The following GATA4 variants were observed in gnomAD, a reference collection of about 807,000 sequenced individuals.
The protein encoded by GATA4 is transcription factor GATA-4.
In GATA4, 7 loss-of-function variants were observed where a neutral mutation model predicts 37.9. That is an observed-to-expected ratio of 0.18 (90% CI 0.11 to 0.35). The LOEUF is 0.35. Ranked by LOEUF, GATA4 falls within the 10% of genes least tolerant of loss-of-function variation. The pLI is 1.00. For synonymous variants in GATA4, 372 were observed against 292.6 expected, an observed-to-expected ratio of 1.27 and a Z score of -2.77; for missense variants, 647 against 653.0, an observed-to-expected ratio of 0.99 and a Z score of 0.10.
intron 2 of GATA4, among the ~76,000 whole-genome samples, chr8:11,734,766 A>G (rs1451414707): frequency 6.6e-6 from 1 of 152,186 alleles, no homozygotes; most frequent in African/African-American, 2.4e-5. Flanking sequence ...CTGGGATTAC[A>G]AGAGTGAGCC....
chr8:11,679,409 G>T (rs1331754672), intron 1 of GATA4, among the ~76,000 whole-genome samples: 2 of 152,356 alleles, frequency 1.3e-5, no homozygotes, highest in African/African-American at 4.8e-5. Flanking sequence ...GGACGCCCCA[G>T]CCGGGTCTGA....
chr8:11,735,977 C>G (rs1801435005), intron 2 of GATA4, among the ~76,000 whole-genome samples: 1 of 152,120 alleles, frequency 6.6e-6, no homozygotes, highest in Non-Finnish European at 1.5e-5. Context: ...GTGGTGCGAT[C>G]ATAACTCGCT....
intron 2 of GATA4, among the ~76,000 whole-genome samples, chr8:11,717,506 G>A (rs566020168): frequency 1.3e-5 from 2 of 152,190 alleles, no homozygotes; most frequent in Non-Finnish European, 1.5e-5. Context: ...GTCCCCGTGG[G>A]TAGTAAACAG....
chr8:11,700,515 G>GT (rs1401884394), upstream of GATA4: 1 of 152,308 alleles, frequency 6.6e-6, no homozygotes, highest in Non-Finnish European at 1.5e-5. Flanking sequence ...CAGCAGGGAC[G>GT]CATCCTGCTC....
At chr8:11,688,695 T>C (rs1799219941), upstream of GATA4, among the ~76,000 whole-genome samples, 1 of 152,202 alleles carries the variant, frequency 6.6e-6, no homozygotes, top group Non-Finnish European at 1.5e-5. Flanking sequence ...TAGGAACACA[T>C]TGAGGAGGTG....
At chr8:11,683,055 G>T in intron 1 of GATA4, 1 of 985,306 alleles carries the variant, frequency 1.0e-6, no homozygotes, top group Non-Finnish European at 1.2e-6. Flanking sequence ...ACAGCTCTCT[G>T]GTGTCTCTTA....
chr8:11,716,411 A>T (rs1170350689), intron 2 of GATA4, among the ~76,000 whole-genome samples: 1 of 152,034 alleles, frequency 6.6e-6, no homozygotes, highest in African/African-American at 2.4e-5. Flanking sequence ...TCTTTTACCT[A>T]TTCTTTTACA....
intron 1 of GATA4, chr8:11,682,975 T>A: frequency 4.0e-6 from 3 of 756,912 alleles, no homozygotes; most frequent in Non-Finnish European, 4.8e-6. Context: ...GGGGACAAGA[T>A]ACTGGGTTCA....
intron 2 of GATA4, among the ~76,000 whole-genome samples, chr8:11,734,822 T>G (rs1484440465): frequency 2.6e-5 from 4 of 152,190 alleles, no homozygotes; most frequent in African/African-American, 9.7e-5. Context: ...CTAATCCCAT[T>G]CATGAGGGCT....
intron 2 of GATA4, among the ~76,000 whole-genome samples, chr8:11,745,411 C>CA (rs3030049): frequency 0.022 from 2,265 of 103,712 alleles, 115 homozygotes; most frequent in African/African-American, 0.087. Context: ...TTGTCTCTAC[C>CA]AAAAAAAAAA....
At chr8:11,731,872 T>C (rs768628548) in intron 2 of GATA4, among the ~76,000 whole-genome samples, 1 of 152,230 alleles carries the variant, frequency 6.6e-6, no homozygotes, top group African/African-American at 2.4e-5. Flanking sequence ...GTAAGTAGCA[T>C]TGATGGACGA....
At position 11,679,395 on chromosome 8, in the gene GATA4, C is replaced by T. The variant is rs892109616; in HGVS notation, c.-274+2332C>T. ...ACGACTGTAGGTGGAGGGCGTGCGC[C>T]GCGGGACGCCCCAGCCGGGTCTGAT... On this transcript the variant is annotated intron_variant, in intron 1 of 6. Transcript: ENST00000528712. 3.3e-5 allele frequency among the ~76,000 whole-genome samples: 5 copies of T among 152,140 alleles called. 1 individual carries two copies. In the East Asian group the frequency reaches 9.7e-4, roughly 29 times the overall value.
intron 2 of GATA4, among the ~76,000 whole-genome samples, chr8:11,715,714 C>G (rs966801700): frequency 1.3e-5 from 2 of 151,982 alleles, no homozygotes; most frequent in African/African-American, 4.8e-5. Context: ...GCATTCCAGC[C>G]TGGGCGACAG....
chr8:11,705,410 C>A (rs1033619422), intron 1 of GATA4, among the ~76,000 whole-genome samples: 2 of 152,220 alleles, frequency 1.3e-5, no homozygotes, highest in Non-Finnish European at 2.9e-5. Context: ...CCCAGGCCAG[C>A]GAGGAGTGTC....
chr8:11,706,745 C>A (rs955063896), intron 1 of GATA4, among the ~76,000 whole-genome samples: 1 of 152,170 alleles, frequency 6.6e-6, no homozygotes, highest in African/African-American at 2.4e-5. Flanking sequence ...TGGAGCCCTA[C>A]TGATCCCATT....
intron 2 of GATA4, among the ~76,000 whole-genome samples, chr8:11,729,329 G>A (rs990381714): frequency 1.3e-5 from 2 of 152,102 alleles, no homozygotes; most frequent in Admixed American, 1.3e-4. Flanking sequence ...CAGCACTTTG[G>A]GAGGCCAGGG....
intron 2 of GATA4, among the ~76,000 whole-genome samples, chr8:11,742,353 C>G (rs987821391): frequency 6.6e-6 from 1 of 151,718 alleles, no homozygotes; most frequent in Admixed American, 6.6e-5. Context: ...TCTACGTTCC[C>G]CCCTCCCTCC....
upstream of GATA4, among the ~76,000 whole-genome samples, chr8:11,690,428 TA>T (rs1158404641): frequency 2.6e-5 from 4 of 152,146 alleles, no homozygotes; most frequent in East Asian, 1.9e-4. Context: ...TCAAGGAGAC[TA>T]AAATTTTGGA....
chr8:11,732,533 CA>C (rs1801260464), intron 2 of GATA4, among the ~76,000 whole-genome samples: 2 of 152,158 alleles, frequency 1.3e-5, no homozygotes, highest in Admixed American at 1.3e-4. Flanking sequence ...GAAGTAACAC[CA>C]AAAAACTAAC....
Sources: allele counts gnomAD v4.1 joint callset (sites outside exome capture counted in the v4.1 genomes callset), GRCh38; gene constraint gnomAD v4.1.1; transcripts MANE v1.5; gene names NCBI Gene and HGNC (gene_info 2026-07-23, HGNC 2026-07-21).